Variants in HEATR5A observed in about 807,000 individuals in gnomAD.
The protein encoded by HEATR5A is HEAT repeat containing 5A.
HEATR5A carries 178 observed loss-of-function variants against 218.8 expected under a neutral mutation model. The observed-to-expected ratio is 0.81, with a 90% CI of 0.72 to 0.92. The LOEUF is 0.92. Ranked by LOEUF, HEATR5A falls within the 40% of genes least tolerant of loss-of-function variation. The probability of loss-of-function intolerance (pLI) is 0.00; values close to 1 mark genes in which losing one functional copy is unlikely to be tolerated. For synonymous variants in HEATR5A, 864 were observed against 871.6 expected, an observed-to-expected ratio of 0.99 and a Z score of 0.15; for missense variants, 2,420 against 2,418.9, an observed-to-expected ratio of 1.00 and a Z score of -0.01.
rs751611942 is a variant in HEATR5A, at chr14:31,400,385, G to A, written c.254C>T (p.Thr85Ile). The A allele has an allele frequency of 6.5e-7, 1 of 1,535,156 alleles. No homozygotes were observed. The highest frequency in any genetic ancestry group is 1.4e-5 in the African/African-American group (1 of 73,000). The change falls in exon 3 of 36, where the codon ACA becomes ATA. Residue 85 changes from threonine (T) to isoleucine (I), a missense_variant. Coordinates refer to ENST00000543095, the MANE Select transcript of HEATR5A (RefSeq NM_015473.4). ...ATCGATTGCTTCATGAACGGAGAAT[G>A]TGTCTCCAATACTATAAAGTATGGC... ...NLAILYSIGD[T>I]FSVHEAIDKC...
chr14:31,402,012 GT>G (rs143260672), intron 2 of HEATR5A, among the ~76,000 whole-genome samples: 2 of 150,364 alleles, frequency 1.3e-5, no homozygotes, highest in East Asian at 1.9e-4. Flanking sequence ...TTTGTCTTTT[GT>G]TTTTTTTTCC....
chr14:31,321,645 G>A lies in HEATR5A; in HGVS notation c.3823C>T (p.Arg1275Cys), dbSNP rs764169389. The A allele has an allele frequency of 1.4e-5, 22 of 1,608,158 alleles. No individual in the cohort carries two copies. Among genetic ancestry groups the A allele is most frequent in the East Asian group, 8.9e-5 (4 of 44,724 alleles). Residue 1275 changes from arginine (R) to cysteine (C), a missense_variant, in exon 25 of 36, where the codon CGC becomes TGC. Transcript: ENST00000543095. ...TCTGTGGCAGCCATAAAAGCCATGC[G>A]AATTAAGTCAGCAAGATGCAGTACC... The part of the protein sequence containing the change: ...FLVLHLADLI[R>C]MAFMAATDHS...
Position 31,315,806 on chromosome 14 carries a change from G to T in HEATR5A, c.4182C>A (p.Thr1394=), listed in dbSNP as rs770295438. 1 of 1,612,248 alleles carries T rather than the reference G, an allele frequency of 6.2e-7. No individual in the cohort carries two copies. The highest frequency in any genetic ancestry group is 8.5e-7 in the Non-Finnish European group (1 of 1,179,126). ...CTTTAAGCACAGCTAAGATCTCCAT[G>T]GTAGAAGCACTTTCATTATATAAGT... The part of the protein sequence containing the change: ...LSHLYNESAS[T]MEILAVLKAW... Residue 1394 remains threonine (T), a synonymous_variant, in exon 27 of 36, where the codon ACC becomes ACA. Transcript: ENST00000543095.
chr14:31,321,670 CA>C lies in HEATR5A; in HGVS notation c.3797del (p.Leu1266TrpfsTer8). Reference sequence around the variant, plus strand: ...GAATTAAGTCAGCAAGATGCAGTACCAAAAAGTCATCTATAAGATTAAAAAA... The same window carrying C: ...GAATTAAGTCAGCAAGATGCAGTACCAAAAGTCATCTATAAGATTAAAAAA... Reference protein sequence around the residue: ...MKKRDSRNDFLVLHLADLIRM... With the variant: ...MKKRDSRNDFXVLHLADLIRM... On this transcript the variant is annotated frameshift_variant, in exon 25 of 36. Coordinates refer to ENST00000543095, the MANE Select transcript of HEATR5A (RefSeq NM_015473.4). LOFTEE classifies it high-confidence loss of function. 1 of 1,580,288 alleles carries C rather than the reference CA, an allele frequency of 6.3e-7. No homozygotes were observed. The highest frequency in any genetic ancestry group is 8.6e-7 in the Non-Finnish European group (1 of 1,165,018).
chr14:31,374,718 C>A, intron 12 of HEATR5A, 98 bp downstream of exon 12: 2 of 1,140,556 alleles, frequency 1.8e-6, no homozygotes, highest in Non-Finnish European at 2.4e-6. Context: ...GGCATATCCC[C>A]CTGCCTCGTG....
intron 1 of HEATR5A, among the ~76,000 whole-genome samples, chr14:31,413,305 A>C (rs1483761182): frequency 6.6e-6 from 1 of 152,166 alleles, no homozygotes; most frequent in East Asian, 1.9e-4. Context: ...CAAGACAAAG[A>C]ATTTAACACC....
chr14:31,387,839 C>T (rs1396060233), intron 7 of HEATR5A, among the ~76,000 whole-genome samples: 1 of 152,156 alleles, frequency 6.6e-6, no homozygotes, highest in East Asian at 1.9e-4. Context: ...GGATTACAGG[C>T]GTGAGCCACC....
At chr14:31,359,497 TGG>T (rs1449051581) in intron 14 of HEATR5A, among the ~76,000 whole-genome samples, 1 of 150,960 alleles carries the variant, frequency 6.6e-6, no homozygotes, top group African/African-American at 2.4e-5. Flanking sequence ...GAGGCGAAGG[TGG>T]GTGGATCACT....
chr14:31,365,518 G>A (rs1236732926), intron 13 of HEATR5A, among the ~76,000 whole-genome samples: 9 of 151,866 alleles, frequency 5.9e-5, no homozygotes, highest in African/African-American at 1.7e-4. Context: ...GTGCCACCAC[G>A]CCTGGCTAAT....
chr14:31,348,566 G>A (rs921510230), intron 18 of HEATR5A, among the ~76,000 whole-genome samples: 1 of 152,224 alleles, frequency 6.6e-6, no homozygotes, highest in Non-Finnish European at 1.5e-5. Context: ...CTGGGTGACA[G>A]AGCAAGACGT....
At position 31,384,180 on chromosome 14, in the gene HEATR5A, C is replaced by T. The variant is rs115808172; in HGVS notation, c.1346-409G>A. Among the ~76,000 whole-genome samples the T allele has an allele frequency of 5.6e-3, 850 of 152,298 alleles. 9 individuals are homozygous for T. The highest frequency in any genetic ancestry group is 0.019 in the African/African-American group (788 of 41,570). On this transcript the variant is annotated intron_variant, in intron 9 of 35. Coordinates refer to ENST00000543095, the MANE Select transcript of HEATR5A (RefSeq NM_015473.4). Reference sequence around the variant, plus strand: ...CACCCTGGCCAGCTGTGGTGGCTCACGCCTGTAATCCCAGCACTTTGGGAG... The same window carrying T: ...CACCCTGGCCAGCTGTGGTGGCTCATGCCTGTAATCCCAGCACTTTGGGAG...
chr14:31,322,876 T>C (rs533582037), intron 24 of HEATR5A, among the ~76,000 whole-genome samples: 1 of 148,756 alleles, frequency 6.7e-6, no homozygotes, highest in Admixed American at 6.7e-5. Context: ...TGAGCTTAAG[T>C]GAATTTAAAA....
At chr14:31,300,072 T>C (rs1428697359) in intron 33 of HEATR5A, among the ~76,000 whole-genome samples, 1 of 151,610 alleles carries the variant, frequency 6.6e-6, no homozygotes, top group Non-Finnish European at 1.5e-5. Flanking sequence ...TTATTCCACA[T>C]GCCTATTAAA....
At chr14:31,346,465 T>C (rs758140231) in intron 19 of HEATR5A, among the ~76,000 whole-genome samples, 1 of 152,108 alleles carries the variant, frequency 6.6e-6, no homozygotes, top group Non-Finnish European at 1.5e-5. Context: ...GGTGAGATGG[T>C]GGTTATACTG....
intron 34 of HEATR5A, among the ~76,000 whole-genome samples, chr14:31,294,332 T>G (rs193085295): frequency 6.6e-5 from 10 of 151,976 alleles, no homozygotes; most frequent in Admixed American, 3.9e-4. Context: ...CAAAGCTGAG[T>G]GTTAATTTTT....
chr14:31,415,097 C>T (rs1054895445), intron 1 of HEATR5A, among the ~76,000 whole-genome samples: 3 of 152,204 alleles, frequency 2.0e-5, no homozygotes, highest in Admixed American at 6.5e-5. Context: ...CTTGGCCTCC[C>T]AAAGTGCTGG....
intron 11 of HEATR5A, among the ~76,000 whole-genome samples, chr14:31,378,645 A>C (rs1288543025): frequency 1.3e-5 from 2 of 151,794 alleles, no homozygotes; most frequent in Non-Finnish European, 2.9e-5. Context: ...AAAATTAGCC[A>C]GGTGTGGTGG....
intron 1 of HEATR5A, among the ~76,000 whole-genome samples, chr14:31,411,387 AAATGC>A (rs1299679144): frequency 6.6e-6 from 1 of 152,234 alleles, no homozygotes; most frequent in East Asian, 1.9e-4. Flanking sequence ...TGAAAACTAC[AAATGC>A]ACAGGAGTGC....
intron 1 of HEATR5A, among the ~76,000 whole-genome samples, chr14:31,418,479 C>T (rs2031528163): frequency 6.6e-6 from 1 of 152,178 alleles, no homozygotes; most frequent in African/African-American, 2.4e-5. Flanking sequence ...GCAGATTTGA[C>T]CCACAGGCTG....
Sources: gnomAD v4.1 joint callset for allele counts (sites outside exome capture counted in the v4.1 genomes callset) on GRCh38, gnomAD v4.1.1 for gene constraint, MANE v1.5 for transcripts, NCBI Gene and HGNC (gene_info 2026-07-23, HGNC 2026-07-21) for gene names.